Variants in PRPF8 observed in about 807,000 individuals in gnomAD.
The protein encoded by PRPF8 is pre-mRNA processing factor 8.
A neutral mutation model predicts 285.9 loss-of-function variants in PRPF8; 64 were observed. The ratio of observed to expected loss-of-function variants is 0.22; its 90% confidence interval spans 0.18 to 0.28. PRPF8 has a LOEUF of 0.28. Ranked by LOEUF, PRPF8 falls within the 10% of genes least tolerant of loss-of-function variation. The probability of loss-of-function intolerance (pLI) is 1.00; values close to 1 mark genes in which losing one functional copy is unlikely to be tolerated. For missense variants in PRPF8, 1,426 were observed against 3,026.7 expected, an observed-to-expected ratio of 0.47 and a Z score of 12.41; for synonymous variants, 1,325 against 1,118.2, an observed-to-expected ratio of 1.18 and a Z score of -3.69.
intron 13 of PRPF8, among the ~76,000 whole-genome samples, chr17:1,677,981 C>T (rs1238335733): frequency 6.6e-6 from 1 of 152,094 alleles, no homozygotes; most frequent in Non-Finnish European, 1.5e-5. Context: ...CTGGAAAGAG[C>T]CCTGTCTAAA....
At chr17:1,668,739 A>C (rs1912141409) in intron 24 of PRPF8, among the ~76,000 whole-genome samples, 1 of 151,760 alleles carries the variant, frequency 6.6e-6, no homozygotes, top group South Asian at 2.1e-4. Context: ...TCTATTCCTT[A>C]ATCACCAGTG....
At position 1,653,664 on chromosome 17, in the gene PRPF8, G is replaced by A. The variant is rs34341522; in HGVS notation, c.6247C>T (p.Leu2083=). The change falls in exon 39 of 43, where the codon CTG becomes TTG. Residue 2083 remains leucine, a synonymous_variant. Transcript: ENST00000304992. This position sits in a 1 kb window ranked among gnomAD's most constrained non-coding sequence, Gnocchi z 4.9. ...WRVRAISAAN[L]HLRTNHIYVS... ...TAGATGTGATTGGTCCTTAGGTGCA[G>A]GTTGGCAGCAGAGATGGCCCTAAAA... 4,309 of 1,614,142 alleles carry A rather than the reference G, an allele frequency of 2.7e-3. 89 individuals carry two copies. The African/African-American group carries it at 0.049, about 18-fold the overall frequency.
rs758996670 is a variant in PRPF8 at position 1,679,625 on chromosome 17, G to T, written c.1273C>A (p.Pro425Thr). 4 of 1,613,548 alleles carry T rather than the reference G, an allele frequency of 2.5e-6. No homozygotes were observed. Among genetic ancestry groups the T allele is most frequent in the Non-Finnish European group, 3.4e-6 (4 of 1,179,996 alleles). ...SGRTRRALDI[P>T]LVKNWYREHC... Reference sequence around the variant, plus strand: ...AAACCTTACCAGTTCTTGACAAGGGGTATGTCCAGGGCCCGACGGGTGCGA... The same window carrying T: ...AAACCTTACCAGTTCTTGACAAGGGTTATGTCCAGGGCCCGACGGGTGCGA... Residue 425 changes from proline to threonine, a missense_variant, in exon 9 of 43, where the codon CCC becomes ACC. Physicochemically the swap from Pro to Thr is conservative, Grantham distance 38 (BLOSUM62 -1). This residue lies in a region of PRPF8 where 137 missense variants were observed against 161.2 expected (regional missense o/e 0.85). Coordinates refer to ENST00000304992, the MANE Select transcript of PRPF8 (RefSeq NM_006445.4). The surrounding 1 kb of genome is among the most constrained non-coding windows in gnomAD (Gnocchi z 4.7).
At position 1,658,430 on chromosome 17, in the gene PRPF8, T is replaced by G. The variant is rs369490555; in HGVS notation, c.5377-49A>C. 2.5e-6 allele frequency: 4 copies of G among 1,614,014 alleles called. No homozygotes were observed. The African/African-American group carries it at 5.3e-5, about 22-fold the overall frequency. On this transcript the variant is annotated intron_variant, in intron 33 of 42. Coordinates refer to ENST00000304992, the MANE Select transcript of PRPF8 (RefSeq NM_006445.4). The surrounding 1 kb of genome is among the most constrained non-coding windows in gnomAD (Gnocchi z 4.1). The stretch of plus-strand genomic sequence containing the variant: ...GCATGGCCTACACAACACATCCCCA[T>G]CCTGCCTTCTTCCCAGCATGTGTAC...
rs1391436293 is a variant in PRPF8 at position 1,661,875 on chromosome 17, G to A, written c.4022+31C>T. 2 of 1,614,056 alleles carry A rather than the reference G, an allele frequency of 1.2e-6. No homozygotes were observed. The highest frequency in any genetic ancestry group is 2.2e-5 in the East Asian group (1 of 44,900). On this transcript the variant is annotated intron_variant, in intron 25 of 42. Coordinates refer to ENST00000304992, the MANE Select transcript of PRPF8 (RefSeq NM_006445.4). This position sits in a 1 kb window ranked among gnomAD's most constrained non-coding sequence, Gnocchi z 7.3. ...CACTTCCCTTAGGGCCTGAGCAATA[G>A]GGTTTAGAAATACGTTGAACCAGGC...
At chr17:1,680,414 TGTATG>T (rs1912846760) in intron 8 of PRPF8, 1 of 466,062 alleles carries the variant, frequency 2.1e-6, no homozygotes, top group African/African-American at 2.0e-5. Context: ...ATGGATAACT[TGTATG>T]GTATGTTAAC....
chr17:1,662,542 T>C (rs971833905), intron 24 of PRPF8, among the ~76,000 whole-genome samples: 2 of 151,358 alleles, frequency 1.3e-5, no homozygotes, highest in African/African-American at 4.9e-5. Context: ...TGAGCTGAGA[T>C]TGTGCCACTG....
chr17:1,667,237 T>G (rs1203541753), intron 24 of PRPF8, among the ~76,000 whole-genome samples: 1 of 152,170 alleles, frequency 6.6e-6, no homozygotes, highest in Non-Finnish European at 1.5e-5. Flanking sequence ...AAGTGGATGA[T>G]TCCCATTAGG....
rs1200321611 is a variant in PRPF8 at position 1,658,852 on chromosome 17, A to G, written c.5139-89T>C. The G allele has an allele frequency of 8.7e-7, 1 of 1,151,740 alleles. No homozygotes were observed. Among genetic ancestry groups the G allele is most frequent in the East Asian group, 2.4e-5 (1 of 42,144 alleles). 71.3% of individuals were successfully genotyped at this position (1,151,740 alleles called of 1,614,324 possible). ...CTGCCAACTCTACAGAGGAAGAAAGACTGTTCGCCAGGCTGACAACACTCT... is the reference window on the plus strand; with the variant it reads ...CTGCCAACTCTACAGAGGAAGAAAGGCTGTTCGCCAGGCTGACAACACTCT... On this transcript the variant is annotated intron_variant, in intron 32 of 42. Coordinates refer to ENST00000304992, the MANE Select transcript of PRPF8 (RefSeq NM_006445.4). The surrounding 1 kb of genome is among the most constrained non-coding windows in gnomAD (Gnocchi z 4.1).
At position 1,650,717 on chromosome 17, in the gene PRPF8, A is replaced by C. The variant is rs761981929; in HGVS notation, c.*85T>G. On this transcript the variant is annotated 3_prime_UTR_variant, in exon 43 of 43. Coordinates refer to ENST00000304992, the MANE Select transcript of PRPF8 (RefSeq NM_006445.4). ...AACACAAGCACAGACAGAGGGAAAG[A>C]GGCCAAACTGCTGAATGTCAGCGGC... 2.0e-6 allele frequency: 3 copies of C among 1,516,924 alleles called. No homozygotes were observed. The highest frequency in any genetic ancestry group is 2.7e-6 in the Non-Finnish European group (3 of 1,093,774). 94.0% of individuals were successfully genotyped at this position (1,516,924 alleles called of 1,614,324 possible).
chr17:1,681,948 G>A lies in PRPF8; in HGVS notation c.525C>T (p.Pro175=), dbSNP rs1192050207. The A allele has an allele frequency of 4.3e-6, 7 of 1,613,890 alleles. No homozygotes were observed. The African/African-American group carries it at 5.3e-5, about 12-fold the overall frequency. Residue 175 remains proline, a synonymous_variant, in exon 5 of 43, where the codon CCC becomes CCT. Coordinates refer to ENST00000304992, the MANE Select transcript of PRPF8 (RefSeq NM_006445.4). Reference sequence around the variant, plus strand: ...CTAGGATGTTGTCAGCATAGTCCAAGGGCGGCTCCTCATCATCAAAAGGGG... The same window carrying A: ...CTAGGATGTTGTCAGCATAGTCCAAAGGCGGCTCCTCATCATCAAAAGGGG... ...RFPPFDDEEP[P]LDYADNILDV... is the part of the protein sequence containing the mutation.
chr17:1,659,635 T>A lies in PRPF8; in HGVS notation c.4947-87A>T, dbSNP rs894491785. On this transcript the variant is annotated intron_variant, in intron 31 of 42. Coordinates refer to ENST00000304992, the MANE Select transcript of PRPF8 (RefSeq NM_006445.4). The surrounding 1 kb of genome is among the most constrained non-coding windows in gnomAD (Gnocchi z 5.1). ...CAGAACCACTTAAATCCCAAAACCA[T>A]CCCACCCACTCCACCAACTTGTTCC... is the stretch of plus-strand genomic sequence containing the variant. The A allele has an allele frequency of 1.9e-5, 28 of 1,499,834 alleles. No individual in the cohort carries two copies. In the African/African-American group the frequency reaches 3.7e-4, roughly 20 times the overall value. The allele number at this position is 1,499,834 out of a possible 1,614,324, so 92.9% of individuals were successfully genotyped here. A position where few individuals can be genotyped will look rare whatever the true frequency, so the allele number is the denominator to read the frequency against.
chr17:1,651,594 G>A lies in PRPF8; in HGVS notation c.6511-41C>T, dbSNP rs1256356243. 2.5e-6 allele frequency: 4 copies of A among 1,614,054 alleles called. No homozygotes were observed. The highest frequency in any genetic ancestry group is 4.5e-5 in the East Asian group (2 of 44,874). On this transcript the variant is annotated intron_variant, in intron 40 of 42. Coordinates refer to ENST00000304992, the MANE Select transcript of PRPF8 (RefSeq NM_006445.4). The surrounding 1 kb of genome is among the most constrained non-coding windows in gnomAD (Gnocchi z 5.1). ...AGTACAGAGCTGAATCCCATCCACA[G>A]ACAGGAATCGCACCAGCTTTTCCAC...
Position 1,674,590 on chromosome 17 carries a change from G to T in PRPF8, c.3151C>A (p.Leu1051Ile). ...VQYYGLVMDL[L>I]VLGLHRASEM... ...CTGGCCCGGTGCAATCCCAATACAA[G>T]CAAATCCATCACCAGGCCATAATAC... The change falls in exon 21 of 43, where the codon CTT becomes ATT. Residue 1051 changes from leucine (L) to isoleucine (I), a missense_variant. By Grantham distance (5) the Leu-to-Ile change is conservative (BLOSUM62 2). Transcript: ENST00000304992. 1.2e-6 allele frequency: 2 copies of T among 1,614,092 alleles called. No homozygotes were observed. The highest frequency in any genetic ancestry group is 1.7e-6 in the Non-Finnish European group (2 of 1,180,024).
Position 1,667,819 on chromosome 17 carries a change from G to T in PRPF8, c.3774+5262C>A, listed in dbSNP as rs1026231781. ...GGCCTCCCAAAGTGCTGGGATTACA[G>T]GCGTGAGCCACCGCACCCGGCCTAT... On this transcript the variant is annotated intron_variant, in intron 24 of 42. Transcript: ENST00000304992. Among the ~76,000 whole-genome samples the T allele has an allele frequency of 2.0e-5, 3 of 152,168 alleles. No individual in the cohort carries two copies. The East Asian group carries it at 5.8e-4, about 29-fold the overall frequency.
intron 3 of PRPF8, 134 bp from the exon 4 acceptor site, chr17:1,682,427 C>T: frequency 1.8e-6 from 2 of 1,114,506 alleles, no homozygotes; most frequent in Non-Finnish European, 2.6e-6. Context: ...GCCCACAGGC[C>T]CTTCCTAACC....
chr17:1,661,485 T>G lies in PRPF8; in HGVS notation c.4203-79A>C. 6 of 1,609,852 alleles carry G rather than the reference T, an allele frequency of 3.7e-6. No individual in the cohort carries two copies. In the South Asian group the frequency reaches 4.4e-5, roughly 12 times the overall value. ...GCACTCCTTCCTGGCCAAAAATAAT[T>G]AGGGTCAGTAGAACCAGCCTTCTCA... On this transcript the variant is annotated intron_variant, in intron 26 of 42. Coordinates refer to ENST00000304992, the MANE Select transcript of PRPF8 (RefSeq NM_006445.4). The surrounding 1 kb of genome is among the most constrained non-coding windows in gnomAD (Gnocchi z 7.3).
chr17:1,683,596 A>T lies in PRPF8; in HGVS notation c.206T>A (p.Ile69Asn). Residue 69 changes from isoleucine (I) to asparagine (N), a missense_variant, in exon 3 of 43, where the codon ATC (isoleucine) becomes AAC (asparagine). Transcript: ENST00000304992. ...GGTCATGTCTCCATGGTCTCGAATG[A>T]TCTTCCTGACATGTTCTGGGGGCAT... ...EDMPPEHVRKIIRDHGDMTNR... is the reference protein window; with the variant it reads ...EDMPPEHVRKNIRDHGDMTNR... 2 of 1,614,106 alleles carry T rather than the reference A, an allele frequency of 1.2e-6. No homozygotes were observed. The highest frequency in any genetic ancestry group is 1.7e-6 in the Non-Finnish European group (2 of 1,180,014).
At chr17:1,654,964 T>C (rs1911283667) in intron 37 of PRPF8, 2 of 198,152 alleles carry the variant, frequency 1.0e-5, no homozygotes, top group Non-Finnish European at 1.0e-5. Flanking sequence ...ACGTCTTTTT[T>C]TTTTTTTTTT....
Sources: gnomAD v4.1 joint callset for allele counts (sites outside exome capture counted in the v4.1 genomes callset) on GRCh38, gnomAD v4.1.1 for gene constraint, gnomAD v4.1.1 regional missense constraint, Gnocchi (gnomAD v3.1) non-coding constraint, MANE v1.5 for transcripts, NCBI Gene and HGNC (gene_info 2026-07-23, HGNC 2026-07-21) for gene names.